The following ZNF329 variants were observed in gnomAD, a reference collection of about 807,000 sequenced individuals.
The protein encoded by ZNF329 is zinc finger protein 329.
In ZNF329, 15 loss-of-function variants were observed where a neutral mutation model predicts 26.6. The observed-to-expected ratio is 0.56, with a 90% CI of 0.38 to 0.87. The LOEUF is 0.87. Among genes scored for constraint, ZNF329 ranks in the 40% least tolerant of loss-of-function variants. The probability of loss-of-function intolerance (pLI) is 0.00; values close to 1 mark genes in which losing one functional copy is unlikely to be tolerated. For missense variants in ZNF329, 651 were observed against 651.9 expected (o/e 1.00, Z 0.02); for synonymous variants, 239 against 233.5 (o/e 1.02, Z -0.21).
At chr19:58,146,821 G>A (rs1424093196) in intron 1 of ZNF329, among the ~76,000 whole-genome samples, 4 of 151,876 alleles carry the variant, frequency 2.6e-5, no homozygotes, top group South Asian at 4.2e-4. Context: ...CCGAGGTGCC[G>A]GGATTGCAGA....
chr19:58,145,354 C>T (rs1179535841), intron 1 of ZNF329, among the ~76,000 whole-genome samples: 3 of 132,078 alleles, frequency 2.3e-5, no homozygotes, highest in African/African-American at 8.9e-5. Context: ...CAGTGCCTCA[C>T]TCTGTCACCC....
chr19:58,146,000 G>GAAAAAAA (rs36035684), intron 1 of ZNF329, among the ~76,000 whole-genome samples: 6 of 123,234 alleles, frequency 4.9e-5, no homozygotes, highest in Admixed American at 8.1e-5. Context: ...TCAATTTCAT[G>GAAAAAAA]AAAAAAAAAA....
intron 3 of ZNF329, among the ~76,000 whole-genome samples, chr19:58,131,404 A>C (rs150059068): frequency 1.0e-3 from 158 of 152,264 alleles, no homozygotes; most frequent in African/African-American, 3.6e-3. Context: ...AAAAGAGACC[A>C]TGTCTTAAAA....
intron 3 of ZNF329, among the ~76,000 whole-genome samples, chr19:58,137,319 CGAGGCA>C (rs1331120270): frequency 6.6e-6 from 1 of 151,626 alleles, no homozygotes; most frequent in Non-Finnish European, 1.5e-5. Context: ...TTTGGGAGGC[CGAGGCA>C]GGTGGATCAC....
At chr19:58,132,683 A>G (rs1209490032) in intron 3 of ZNF329, 1 of 152,022 alleles carries the variant, frequency 6.6e-6, no homozygotes, top group Non-Finnish European at 1.5e-5. Context: ...CCGTCTGAAA[A>G]AAAAAAAAAA....
Position 58,127,651 on chromosome 19 carries a change from T to A in ZNF329, c.*227A>T. The A allele has an allele frequency of 2.1e-6, 1 of 485,044 alleles. No individual in the cohort carries two copies. The highest frequency in any genetic ancestry group is 3.0e-5 in the East Asian group (1 of 32,822). The allele number at this position is 485,044 out of a possible 1,614,324, so 30.0% of individuals were successfully genotyped here. A position where few individuals can be genotyped will look rare whatever the true frequency, so the allele number is the denominator to read the frequency against. On this transcript the variant is annotated 3_prime_UTR_variant, in exon 4 of 4. Coordinates refer to ENST00000598312, the MANE Select transcript of ZNF329 (RefSeq NM_024620.4). ...CCAGTGTGTGTGTTGTCATGTCTGG[T>A]ACAGACTGAATCATCCCCAAAGACT... is the stretch of plus-strand genomic sequence containing the variant.
At chr19:58,148,822 T>C (rs530544523) in intron 1 of ZNF329, among the ~76,000 whole-genome samples, 1 of 152,332 alleles carries the variant, frequency 6.6e-6, no homozygotes, top group East Asian at 1.9e-4. Flanking sequence ...TATGTAAATA[T>C]ATGTCTGTAT....
At chr19:58,154,551 A>C (rs2075511133), upstream of ZNF329, among the ~76,000 whole-genome samples, 1 of 152,180 alleles carries the variant, frequency 6.6e-6, no homozygotes, top group African/African-American at 2.4e-5. Flanking sequence ...CACACGGTCC[A>C]TGCCTCTTCC....
Position 58,128,909 on chromosome 19 carries a change from C to T in ZNF329, c.595G>A (p.Gly199Arg), listed in dbSNP as rs141780964. The T allele has an allele frequency of 1.2e-6, 2 of 1,613,934 alleles. No homozygotes were observed. Among genetic ancestry groups the T allele is most frequent in the African/African-American group, 2.7e-5 (2 of 74,904 alleles). ...TCAGTACATCTATATTGTTTCTCTC[C>T]AGGGAGATTTCTCTGGTTTTCATTA... ...SLNENQRNLPGEKQYRCTECG... is the reference protein window; with the variant it reads ...SLNENQRNLPREKQYRCTECG... The change falls in exon 4 of 4, where the codon GGA becomes AGA. Residue 199 changes from glycine (G) to arginine (R), a missense_variant. Physicochemically the swap from Gly to Arg is moderately radical, Grantham distance 125. Transcript: ENST00000598312.
Position 58,128,303 on chromosome 19 carries a change from A to C in ZNF329, c.1201T>G (p.Cys401Gly), listed in dbSNP as rs1466530911. The C allele has an allele frequency of 6.2e-7, 1 of 1,613,484 alleles. No homozygotes were observed. ...KIHSGEKPYE[C>G]KECGKTFIES... is the part of the protein sequence containing the mutation. The stretch of plus-strand genomic sequence containing the variant: ...ATGAAAGTCTTGCCACATTCTTTAC[A>C]TTCATAGGGTTTCTCCCCAGAATGG... Residue 401 changes from cysteine (C) to glycine (G), a missense_variant, in exon 4 of 4, where the codon TGT (cysteine) becomes GGT (glycine). Cys to Gly is a radical substitution (Grantham distance 159, BLOSUM62 -3). Coordinates refer to ENST00000598312, the MANE Select transcript of ZNF329 (RefSeq NM_024620.4).
At chr19:58,136,358 G>T (rs760413655) in intron 3 of ZNF329, among the ~76,000 whole-genome samples, 1 of 152,000 alleles carries the variant, frequency 6.6e-6, no homozygotes, top group East Asian at 1.9e-4. Context: ...TGAAAATGCT[G>T]GTCTTTAATG....
At chr19:58,136,251 G>A (rs984162124) in intron 3 of ZNF329, among the ~76,000 whole-genome samples, 3 of 150,534 alleles carry the variant, frequency 2.0e-5, no homozygotes, top group Admixed American at 2.0e-4. Context: ...AGAAAAAAAA[G>A]AAAAGGAAAA....
intron 3 of ZNF329, among the ~76,000 whole-genome samples, chr19:58,130,497 C>T (rs536123040): frequency 6.7e-6 from 1 of 149,098 alleles, no homozygotes; most frequent in African/African-American, 2.5e-5. Flanking sequence ...GTGGTGAAAC[C>T]CCGTCTCTAC....
intron 1 of ZNF329, among the ~76,000 whole-genome samples, chr19:58,146,089 T>G (rs934352793): frequency 6.6e-6 from 1 of 151,330 alleles, no homozygotes; most frequent in African/African-American, 2.4e-5. Flanking sequence ...GGATCCTGGA[T>G]TGGATCCTGG....
chr19:58,134,773 A>G (rs1036230768), intron 3 of ZNF329, among the ~76,000 whole-genome samples: 2 of 152,086 alleles, frequency 1.3e-5, no homozygotes, highest in African/African-American at 4.8e-5. Context: ...ATGTCTCTAC[A>G]AAAACACAAA....
intron 1 of ZNF329, among the ~76,000 whole-genome samples, chr19:58,148,562 G>A (rs557256654): frequency 7.4e-4 from 113 of 151,820 alleles, no homozygotes; most frequent in African/African-American, 2.7e-3. Flanking sequence ...ATGTTCAAAT[G>A]TTCTTTTTGG....
intron 3 of ZNF329, among the ~76,000 whole-genome samples, chr19:58,139,933 C>A (rs2075148143): frequency 6.6e-6 from 1 of 152,118 alleles, no homozygotes; most frequent in Admixed American, 6.6e-5. Context: ...ACTGCCGGTG[C>A]AAATATAAAA....
At chr19:58,146,779 C>A (rs2075320229) in intron 1 of ZNF329, among the ~76,000 whole-genome samples, 2 of 152,074 alleles carry the variant, frequency 1.3e-5, no homozygotes, top group South Asian at 4.1e-4. Context: ...TCTCCAGCTC[C>A]TAACCACGAG....
At position 58,144,199 on chromosome 19, in the gene ZNF329, G is replaced by T. The variant is rs980873778; in HGVS notation, c.-207-1001C>A. 2.3e-4 allele frequency among the ~76,000 whole-genome samples: 35 copies of T among 151,614 alleles called. 1 individual carries two copies. Among genetic ancestry groups the T allele is most frequent in the African/African-American group, 2.4e-5 (1 of 41,328 alleles). ...TTTTTATTTTTTTATTTTTCAGATG[G>T]AGTCTTGCTCTGTTGCCCAGGCTGG... On this transcript the variant is annotated intron_variant, in intron 1 of 3. Transcript: ENST00000598312.
Sources: allele counts gnomAD v4.1 joint callset (sites outside exome capture counted in the v4.1 genomes callset), GRCh38; gene constraint gnomAD v4.1.1; transcripts MANE v1.5; gene names NCBI Gene and HGNC (gene_info 2026-07-23, HGNC 2026-07-21).